VTA1: variants seen among roughly 807,000 people sequenced by gnomAD.
The protein encoded by VTA1 is vesicle trafficking 1.
VTA1 carries 24 observed loss-of-function variants against 36.9 expected under a neutral mutation model. The observed-to-expected ratio is 0.65, with a 90% CI of 0.47 to 0.91. The LOEUF is 0.91. VTA1 is among the 40% of genes least tolerant of loss of function. The probability of loss-of-function intolerance (pLI) is 0.00; values close to 1 mark genes in which losing one functional copy is unlikely to be tolerated. For missense variants in VTA1, 393 were observed against 377.2 expected, an observed-to-expected ratio of 1.04 and a Z score of -0.35; for synonymous variants, 142 against 130.2, an observed-to-expected ratio of 1.09 and a Z score of -0.62.
chr6:142,176,297 A>G (rs1441922045), intron 4 of VTA1, among the ~76,000 whole-genome samples: 2 of 152,202 alleles, frequency 1.3e-5, no homozygotes, highest in African/African-American at 2.4e-5. Flanking sequence ...ATTCTTATAT[A>G]TGGAGTTTTT....
chr6:142,176,601 C>CTT lies in VTA1; in HGVS notation c.411+6194_411+6195dup, dbSNP rs10689552. Among the ~76,000 whole-genome samples the CTT allele has an allele frequency of 3.1e-3, 433 of 138,580 alleles. 1 individual carries two copies. The highest frequency in any genetic ancestry group is 0.011 in the African/African-American group (406 of 38,018). The allele number at this position is 138,580 out of a possible 152,430, so 90.9% of individuals were successfully genotyped here. On this transcript the variant is annotated intron_variant, in intron 4 of 7. Coordinates refer to ENST00000367630, the MANE Select transcript of VTA1 (RefSeq NM_016485.5). Reference sequence around the variant, plus strand: ...AAACTCTCTGTGATAAAGGTTCAGCCTTTTTTTTTTTTTTTAAATTTTCAA... The same window carrying CTT: ...AAACTCTCTGTGATAAAGGTTCAGCCTTTTTTTTTTTTTTTTTAAATTTTCAA...
chr6:142,213,833 C>T (rs1354633726), intron 7 of VTA1, among the ~76,000 whole-genome samples: 1 of 152,148 alleles, frequency 6.6e-6, no homozygotes, highest in Non-Finnish European at 1.5e-5. Flanking sequence ...GCTCATGGAA[C>T]CATTTTTTCC....
intron 5 of VTA1, among the ~76,000 whole-genome samples, chr6:142,198,107 ATAT>A (rs374008395): frequency 0.4 from 49,521 of 124,858 alleles, 11,614 homozygotes; most frequent in Middle Eastern, 0.55. Context: ...AAAAAAAAAT[ATAT>A]ATATATATAT....
intron 1 of VTA1, among the ~76,000 whole-genome samples, chr6:142,162,589 T>C (rs575999405): frequency 6.6e-6 from 1 of 152,142 alleles, no homozygotes; most frequent in Admixed American, 6.6e-5. Context: ...TCAAGCCCAT[T>C]TGAGACTGAT....
At chr6:142,200,366 A>C (rs1201361459) in intron 6 of VTA1, among the ~76,000 whole-genome samples, 5 of 151,950 alleles carry the variant, frequency 3.3e-5, no homozygotes, top group Non-Finnish European at 7.4e-5. Context: ...GTTAATGAAC[A>C]CTTAAAATTA....
intron 1 of VTA1, among the ~76,000 whole-genome samples, chr6:142,156,061 GAAGTAT>G (rs1202622532): frequency 6.6e-6 from 1 of 152,158 alleles, no homozygotes; most frequent in Non-Finnish European, 1.5e-5. Context: ...TCCCTAGAGG[GAAGTAT>G]GGCCATACAG....
At chr6:142,178,127 A>G (rs1775159238) in intron 4 of VTA1, among the ~76,000 whole-genome samples, 1 of 152,180 alleles carries the variant, frequency 6.6e-6, no homozygotes. Flanking sequence ...ACACCTAGAA[A>G]CATTGTAGTC....
At chr6:142,172,967 C>CAA (rs1351540478) in intron 4 of VTA1, among the ~76,000 whole-genome samples, 22 of 96,894 alleles carry the variant, frequency 2.3e-4, no homozygotes, top group African/African-American at 7.6e-4. Context: ...AACCATTTGA[C>CAA]AAAAAAAAAA....
rs111575272 is a variant in VTA1, at chr6:142,212,493, A to G, written c.779-6005A>G. 9.4e-3 allele frequency among the ~76,000 whole-genome samples: 1,427 copies of G among 152,278 alleles called. 39 individuals are homozygous for G. Among genetic ancestry groups the G allele is most frequent in the South Asian group, 0.069 (334 of 4,822 alleles). On this transcript the variant is annotated intron_variant, in intron 7 of 7. Coordinates refer to ENST00000367630, the MANE Select transcript of VTA1 (RefSeq NM_016485.5). The stretch of plus-strand genomic sequence containing the variant: ...ACTATAGAGGGGGTAGAAGATCAGC[A>G]GTTGCCAAGAGTTAGGGGGAGAGGG...
rs1471480951 is a variant in VTA1, at chr6:142,218,665, T to C, written c.*22T>C. On this transcript the variant is annotated 3_prime_UTR_variant, in exon 8 of 8. Transcript: ENST00000367630. ...ATGAAGCCTTTGTATGACAGACCCA[T>C]GTATTTTTGGCATGAGGAACTAACA... 6.3e-7 allele frequency: 1 copy of C among 1,587,108 alleles called. No homozygotes were observed. Among genetic ancestry groups the C allele is most frequent in the Non-Finnish European group, 8.5e-7 (1 of 1,170,560 alleles).
intron 4 of VTA1, among the ~76,000 whole-genome samples, chr6:142,184,836 G>C (rs1775309680): frequency 6.6e-6 from 1 of 152,060 alleles, no homozygotes; most frequent in Admixed American, 6.6e-5. Flanking sequence ...TAAATTTCGA[G>C]GTTTTGATGA....
In VTA1 at chr6:142,181,455, T is replaced by TTATATATATATATA. The variant is rs10545343; in HGVS notation, c.412-7965_412-7952dup. 3.5e-3 allele frequency among the ~76,000 whole-genome samples: 507 copies of TTATATATATATATA among 143,636 alleles called. 4 individuals are homozygous for TTATATATATATATA. Among genetic ancestry groups the TTATATATATATATA allele is most frequent in the Middle Eastern group, 0.019 (5 of 268 alleles). The allele number at this position is 143,636 out of a possible 152,430, so 94.2% of individuals were successfully genotyped here. ...GCCTGACACACACACTTTTTATATTTTATATATATATATATATATGTATAT... is the reference window on the plus strand; with the variant it reads ...GCCTGACACACACACTTTTTATATTTTATATATATATATATATATATATATATATATATGTATAT... On this transcript the variant is annotated intron_variant, in intron 4 of 7. Coordinates refer to ENST00000367630, the MANE Select transcript of VTA1 (RefSeq NM_016485.5).
rs527451726 is a variant in VTA1 at position 142,164,595 on chromosome 6, A to C, written c.113-1633A>C. ...TTCGTGTGTATATTAATTTTTAAAG[A>C]GAATTTTTGACATGTGACCATAATT... On this transcript the variant is annotated intron_variant, in intron 1 of 7. Transcript: ENST00000367630. Among the ~76,000 whole-genome samples, 18 of 152,304 alleles carry C rather than the reference A, an allele frequency of 1.2e-4. No homozygotes were observed. The East Asian group carries it at 2.3e-3, about 20-fold the overall frequency.
chr6:142,169,416 G>A, intron 2 of VTA1, 134 bp from the exon 3 acceptor site: 3 of 1,055,678 alleles, frequency 2.8e-6, no homozygotes, highest in South Asian at 3.2e-5. Flanking sequence ...CTTTTTGCAA[G>A]ATTTCATTGA....
chr6:142,152,618 A>C (rs565003057), intron 1 of VTA1, among the ~76,000 whole-genome samples: 13 of 152,286 alleles, frequency 8.5e-5, no homozygotes, highest in African/African-American at 2.9e-4. Context: ...TTGTATTTTA[A>C]AATGTGATAA....
At chr6:142,165,393 C>T (rs1371823948) in intron 1 of VTA1, among the ~76,000 whole-genome samples, 1 of 152,102 alleles carries the variant, frequency 6.6e-6, no homozygotes, top group Non-Finnish European at 1.5e-5. Flanking sequence ...TGCATTATGC[C>T]TAAGGAGGTA....
At chr6:142,188,106 A>C (rs1283595116) in intron 4 of VTA1, among the ~76,000 whole-genome samples, 1 of 148,882 alleles carries the variant, frequency 6.7e-6, no homozygotes, top group East Asian at 2.0e-4. Context: ...ACGGGGTTTC[A>C]CCATATTGGC....
At chr6:142,158,160 A>G (rs1220819250) in intron 1 of VTA1, among the ~76,000 whole-genome samples, 1 of 152,134 alleles carries the variant, frequency 6.6e-6, no homozygotes, top group African/African-American at 2.4e-5. Flanking sequence ...TACATTTATT[A>G]CAAAAGCTGC....
At chr6:142,187,159 G>A (rs987482875) in intron 4 of VTA1, among the ~76,000 whole-genome samples, 15 of 151,886 alleles carry the variant, frequency 9.9e-5, no homozygotes, top group African/African-American at 1.5e-4. Context: ...TATTGATTGC[G>A]CCCACTATTT....
Sources: allele counts gnomAD v4.1 joint callset (sites outside exome capture counted in the v4.1 genomes callset), GRCh38; gene constraint gnomAD v4.1.1; transcripts MANE v1.5; gene names NCBI Gene and HGNC (gene_info 2026-07-23, HGNC 2026-07-21).